The following ERBB4 variants were observed in gnomAD, a reference collection of about 807,000 sequenced individuals.
ERBB4 encodes erb-b2 receptor tyrosine kinase 4.
A neutral mutation model predicts 158.0 loss-of-function variants in ERBB4; 42 were observed. That is an observed-to-expected ratio of 0.27 (90% CI 0.21 to 0.34). The LOEUF (loss-of-function observed/expected upper bound fraction) is 0.34. Among genes scored for constraint, ERBB4 ranks in the 10% least tolerant of loss-of-function variants. The probability of loss-of-function intolerance (pLI) is 1.00; values close to 1 mark genes in which losing one functional copy is unlikely to be tolerated. For synonymous variants in ERBB4, 583 were observed against 558.7 expected, an observed-to-expected ratio of 1.04 and a Z score of -0.61; for missense variants, 1,333 against 1,624.1, an observed-to-expected ratio of 0.82 and a Z score of 3.08.
chr2:212,369,053 T>C (rs187655488), intron 1 of ERBB4, among the ~76,000 whole-genome samples: 2 of 152,254 alleles, frequency 1.3e-5, no homozygotes, highest in Non-Finnish European at 2.9e-5. Flanking sequence ...ACTCATTAAG[T>C]TTCTAAAACA....
intron 4 of ERBB4, among the ~76,000 whole-genome samples, chr2:211,755,327 C>A (rs1193654581): frequency 6.6e-6 from 1 of 152,080 alleles, no homozygotes; most frequent in Admixed American, 6.6e-5. Flanking sequence ...CATGGCAAAA[C>A]CCGGCCTCTA....
chr2:212,147,157 A>ATT (rs71397161), intron 1 of ERBB4, among the ~76,000 whole-genome samples: 2,478 of 34,172 alleles, frequency 0.073, 467 homozygotes, highest in Non-Finnish European at 0.099. Context: ...TGCCCAGCTA[A>ATT]TTTTTTTTTT....
At chr2:212,461,242 C>G (rs2106071156) in intron 1 of ERBB4, among the ~76,000 whole-genome samples, 1 of 152,226 alleles carries the variant, frequency 6.6e-6, no homozygotes, top group South Asian at 2.1e-4. Context: ...CACCATGTGC[C>G]TGGAAAAGTA....
rs184701360 is a variant in ERBB4, at chr2:211,736,057, G to A, written c.623-10863C>T. Among the ~76,000 whole-genome samples, 39 of 151,966 alleles carry A rather than the reference G, an allele frequency of 2.6e-4. No homozygotes were observed. The East Asian group carries it at 7.0e-3, about 27-fold the overall frequency. On this transcript the variant is annotated intron_variant, in intron 5 of 27. Coordinates refer to ENST00000342788, the MANE Select transcript of ERBB4 (RefSeq NM_005235.3). ...GTGCACCTGTAGTCCTAGCTGCTTG[G>A]GAGGCTGAGGCAGGAGGATCACTTG...
intron 3 of ERBB4, among the ~76,000 whole-genome samples, chr2:211,794,579 CATA>C (rs564883796): frequency 4.3e-4 from 65 of 151,954 alleles, no homozygotes; most frequent in African/African-American, 1.5e-3. Context: ...TTAGTGATAG[CATA>C]ATGTTAGTGA....
chr2:211,769,565 C>A (rs1299672388), intron 4 of ERBB4, among the ~76,000 whole-genome samples: 2 of 152,176 alleles, frequency 1.3e-5, no homozygotes, highest in Admixed American at 6.5e-5. Context: ...CAGGATAGGA[C>A]ATCTGCAAAT....
At chr2:212,374,783 T>C (rs1369035057) in intron 1 of ERBB4, among the ~76,000 whole-genome samples, 3 of 151,950 alleles carry the variant, frequency 2.0e-5, no homozygotes, top group East Asian at 1.9e-4. Flanking sequence ...GCATATGATT[T>C]GGGGCAAGAA....
chr2:212,102,090 T>TTTTATATATATA (rs1553558604), intron 2 of ERBB4, among the ~76,000 whole-genome samples: 1 of 107,978 alleles, frequency 9.3e-6, no homozygotes, highest in Non-Finnish European at 2.1e-5. Flanking sequence ...AAAATTTATT[T>TTTTATATATATA]TATATATATA....
chr2:211,709,513 T>C (rs1022814301), intron 9 of ERBB4, among the ~76,000 whole-genome samples: 12 of 151,940 alleles, frequency 7.9e-5, no homozygotes, highest in Admixed American at 7.9e-4. Context: ...TATCACAAAA[T>C]TCTTGCAGTG....
intron 20 of ERBB4, among the ~76,000 whole-genome samples, chr2:211,481,420 A>C (rs2065080004): frequency 6.6e-6 from 1 of 152,174 alleles, no homozygotes; most frequent in Non-Finnish European, 1.5e-5. Flanking sequence ...AGGCAGGGTA[A>C]AGTTAACACA....
intron 18 of ERBB4, among the ~76,000 whole-genome samples, chr2:211,622,163 G>A (rs963004373): frequency 1.4e-4 from 21 of 152,276 alleles, no homozygotes; most frequent in African/African-American, 5.1e-4. Context: ...TTGTAGAAAT[G>A]AGTACAGATT....
At chr2:211,912,330 T>G (rs905476719) in intron 3 of ERBB4, among the ~76,000 whole-genome samples, 1 of 152,062 alleles carries the variant, frequency 6.6e-6, no homozygotes, top group Non-Finnish European at 1.5e-5. Flanking sequence ...TGGCTTTAAT[T>G]TGGGGGGTCC....
At chr2:211,956,369 T>C (rs839513) in intron 2 of ERBB4, among the ~76,000 whole-genome samples, 134,869 of 152,126 alleles carry the variant, frequency 0.89, 59,901 homozygotes, top group East Asian at 0.98. Flanking sequence ...ACTGAAGCTA[T>C]ACCTGAATCA....
chr2:211,783,695 C>A (rs1018348274), intron 4 of ERBB4, among the ~76,000 whole-genome samples: 1 of 152,252 alleles, frequency 6.6e-6, no homozygotes, highest in Middle Eastern at 3.4e-3. Flanking sequence ...TGTTGAACCA[C>A]CCTTGCATCC....
At chr2:212,307,180 CT>C (rs1432556064) in intron 1 of ERBB4, among the ~76,000 whole-genome samples, 2 of 151,150 alleles carry the variant, frequency 1.3e-5, no homozygotes. Flanking sequence ...CAGTTTCCCC[CT>C]ATGCTAACCA....
intron 3 of ERBB4, among the ~76,000 whole-genome samples, chr2:211,889,232 T>TCCCTGAC (rs2078896747): frequency 6.9e-6 from 1 of 144,332 alleles, no homozygotes; most frequent in Non-Finnish European, 1.5e-5. Flanking sequence ...CTCAAGTGGG[T>TCCCTGAC]CCCTGACCCC....
At chr2:212,314,113 C>T (rs965748812) in intron 1 of ERBB4, among the ~76,000 whole-genome samples, 1 of 151,080 alleles carries the variant, frequency 6.6e-6, no homozygotes, top group South Asian at 2.1e-4. Context: ...CCCTAAAATG[C>T]TGAATTCACT....
At position 212,458,626 on chromosome 2, in the gene ERBB4, GA is replaced by G. The variant is rs35066738; in HGVS notation, c.82+79822del. On this transcript the variant is annotated intron_variant, in intron 1 of 27. Coordinates refer to ENST00000342788, the MANE Select transcript of ERBB4 (RefSeq NM_005235.3). ...AGAGTCACACAATCAGGTCTCTACT[GA>G]AAAAAAAAAAATCATTCGAGCACAG... Among the ~76,000 whole-genome samples, 1,198 of 144,146 alleles carry G rather than the reference GA, an allele frequency of 8.3e-3. 10 individuals carry two copies. The highest frequency in any genetic ancestry group is 0.023 in the African/African-American group (915 of 39,546). 94.6% of individuals were successfully genotyped at this position (144,146 alleles called of 152,430 possible). A position where few individuals can be genotyped will look rare whatever the true frequency, so the allele number is the denominator to read the frequency against.
At chr2:211,916,438 C>T (rs879623348) in intron 3 of ERBB4, among the ~76,000 whole-genome samples, 10 of 152,072 alleles carry the variant, frequency 6.6e-5, no homozygotes, top group Non-Finnish European at 1.3e-4. Context: ...CCTCGGCCTC[C>T]CAAAGCACTG....
Sources: gnomAD v4.1 joint callset for allele counts (sites outside exome capture counted in the v4.1 genomes callset) on GRCh38, gnomAD v4.1.1 for gene constraint, MANE v1.5 for transcripts, NCBI Gene and HGNC (gene_info 2026-07-23, HGNC 2026-07-21) for gene names.